The following CUBN variants were observed in gnomAD, a reference collection of about 807,000 sequenced individuals.
CUBN encodes cubilin.
In CUBN, 282 loss-of-function variants were observed where a neutral mutation model predicts 405.3. The ratio of observed to expected loss-of-function variants is 0.70; its 90% CI spans 0.63 to 0.77. The LOEUF (loss-of-function observed/expected upper bound fraction) is 0.77. Among genes scored for constraint, CUBN ranks in the 30% least tolerant of loss-of-function variants. The pLI, the probability that CUBN is intolerant of heterozygous loss-of-function variation, is 0.00. For synonymous variants in CUBN, 1,684 were observed against 1,617.0 expected (o/e 1.04, Z -0.99); for missense variants, 4,514 against 4,475.2 (o/e 1.01, Z -0.25).
intron 28 of CUBN, among the ~76,000 whole-genome samples, chr10:17,006,649 A>G (rs1834035996): frequency 6.6e-6 from 1 of 152,170 alleles, no homozygotes; most frequent in African/African-American, 2.4e-5. Context: ...GTTTTCTGCC[A>G]GTGCTCTAAA....
intron 17 of CUBN, among the ~76,000 whole-genome samples, chr10:17,082,459 T>A (rs899672931): frequency 6.6e-6 from 1 of 152,150 alleles, no homozygotes; most frequent in African/African-American, 2.4e-5. Flanking sequence ...TCACTGAAAT[T>A]CAGTTCTAGT....
rs192822265 is a variant in CUBN, at chr10:16,985,829, G to A, written c.4351-1550C>T. Reference sequence around the variant, plus strand: ...TCTATCACACATGACTTCAGACCACGTAGGCTCCTCCAAATCTCCCAAACT... The same window carrying A: ...TCTATCACACATGACTTCAGACCACATAGGCTCCTCCAAATCTCCCAAACT... On this transcript the variant is annotated intron_variant, in intron 29 of 66. Transcript: ENST00000377833. 1.6e-4 allele frequency among the ~76,000 whole-genome samples: 24 copies of A among 152,308 alleles called. No individual in the cohort carries two copies. In the East Asian group the frequency reaches 4.4e-3, roughly 28 times the overall value.
chr10:16,988,981 GCATT>G (rs1293408828), intron 29 of CUBN, among the ~76,000 whole-genome samples: 1 of 152,190 alleles, frequency 6.6e-6, no homozygotes, highest in Non-Finnish European at 1.5e-5. Context: ...CCCTAAATGT[GCATT>G]ATTATGGTGT....
At chr10:16,966,710 A>T (rs1050744806) in intron 31 of CUBN, among the ~76,000 whole-genome samples, 2 of 152,128 alleles carry the variant, frequency 1.3e-5, no homozygotes, top group African/African-American at 4.8e-5. Context: ...TGGCCTTTCA[A>T]AGTGCTGGGA....
In CUBN at chr10:16,906,069, A is replaced by C. The variant is rs138682430; in HGVS notation, c.7912+134T>G. On this transcript the variant is annotated intron_variant, in intron 50 of 66. Coordinates refer to ENST00000377833, the MANE Select transcript of CUBN (RefSeq NM_001081.4). ...GTTGAGGCTGCAGTGAGTTATGATC[A>C]CACCACTGCACTCCAGTCCGGGCAA... is the stretch of plus-strand genomic sequence containing the variant. 27,254 of 748,976 alleles carry C rather than the reference A, an allele frequency of 0.036. 611 individuals are homozygous for C. The highest frequency in any genetic ancestry group is 0.05 in the Non-Finnish European group (21,176 of 426,578). The allele number at this position is 748,976 out of a possible 1,614,324, so 46.4% of individuals were successfully genotyped here.
At position 16,888,348 on chromosome 10, in the gene CUBN, G is replaced by A. The variant is rs969381885; in HGVS notation, c.8905+69C>T. 2.4e-5 allele frequency: 30 copies of A among 1,251,996 alleles called. 1 individual carries two copies. In the African/African-American group the frequency reaches 4.2e-4, roughly 17 times the overall value. 77.6% of individuals were successfully genotyped at this position (1,251,996 alleles called of 1,614,324 possible). On this transcript the variant is annotated intron_variant, in intron 56 of 66. Transcript: ENST00000377833. ...ACAACATGTACATATGTCAAAACATGTTGTACACCATAAATATACAATTTT... is the reference window on the plus strand; with the variant it reads ...ACAACATGTACATATGTCAAAACATATTGTACACCATAAATATACAATTTT...
At chr10:16,831,519 T>C (rs1838993684) in intron 64 of CUBN, 102 bp from the exon 65 acceptor site, 1 of 1,111,862 alleles carries the variant, frequency 9.0e-7, no homozygotes, top group Non-Finnish European at 1.4e-6. Context: ...CGGAAAAGCT[T>C]TGTCTTTTTA....
intron 39 of CUBN, among the ~76,000 whole-genome samples, chr10:16,934,557 T>C (rs1487980036): frequency 6.6e-6 from 1 of 152,318 alleles, no homozygotes; most frequent in East Asian, 1.9e-4. Context: ...TGTGAAATAT[T>C]TCTTATCTTG....
Position 16,996,917 on chromosome 10 carries a change from G to A in CUBN, c.4169-6402C>T, listed in dbSNP as rs576332541. Reference sequence around the variant, plus strand: ...CCCTTCATTCCTAAAGGAAATGCCTGGGAAATCAACAGTTGCTGTTAAAAC... The same window carrying A: ...CCCTTCATTCCTAAAGGAAATGCCTAGGAAATCAACAGTTGCTGTTAAAAC... On this transcript the variant is annotated intron_variant, in intron 28 of 66. Coordinates refer to ENST00000377833, the MANE Select transcript of CUBN (RefSeq NM_001081.4). 2.0e-5 allele frequency among the ~76,000 whole-genome samples: 3 copies of A among 152,282 alleles called. No individual in the cohort carries two copies. In the South Asian group the frequency reaches 6.2e-4, roughly 32 times the overall value.
chr10:16,961,231 T>C (rs538032327), intron 31 of CUBN, among the ~76,000 whole-genome samples: 1 of 151,960 alleles, frequency 6.6e-6, no homozygotes, highest in East Asian at 1.9e-4. Context: ...ACCACCACAC[T>C]TGGCTAATTT....
intron 54 of CUBN, among the ~76,000 whole-genome samples, chr10:16,896,288 G>T (rs747883954): frequency 1.1e-4 from 16 of 151,822 alleles, no homozygotes; most frequent in Non-Finnish European, 1.6e-4. Context: ...CATGCTCCAC[G>T]GTTCTTTAAT....
At chr10:17,039,627 A>T (rs1834973295) in intron 27 of CUBN, among the ~76,000 whole-genome samples, 1 of 152,210 alleles carries the variant, frequency 6.6e-6, no homozygotes, top group African/African-American at 2.4e-5. Context: ...TTCTAGTAGT[A>T]TCTTAATGAT....
chr10:17,027,476 A>T lies in CUBN; in HGVS notation c.4018-7493T>A, dbSNP rs542622735. Among the ~76,000 whole-genome samples, 8 of 152,362 alleles carry T rather than the reference A, an allele frequency of 5.3e-5. No homozygotes were observed. In the South Asian group the frequency reaches 1.7e-3, roughly 32 times the overall value. On this transcript the variant is annotated intron_variant, in intron 27 of 66. Coordinates refer to ENST00000377833, the MANE Select transcript of CUBN (RefSeq NM_001081.4). ...GATGACAGGAAATCAATACCACCAA[A>T]TATTAGTAATAATGATATACTTTAG...
intron 7 of CUBN, 102 bp from the exon 8 acceptor site, chr10:17,114,291 C>A: frequency 1.7e-6 from 2 of 1,193,726 alleles, no homozygotes; most frequent in Middle Eastern, 1.9e-4. Flanking sequence ...CTCTAACGTT[C>A]ATTTCCATAA....
chr10:17,057,380 C>G (rs189640749), intron 22 of CUBN, among the ~76,000 whole-genome samples: 7 of 152,034 alleles, frequency 4.6e-5, no homozygotes, highest in African/African-American at 1.7e-4. Context: ...ACTGTCATGG[C>G]GCTGTTGGGC....
chr10:17,090,581 A>T (rs1486439116), intron 14 of CUBN, among the ~76,000 whole-genome samples: 1 of 152,138 alleles, frequency 6.6e-6, no homozygotes, highest in East Asian at 1.9e-4. Flanking sequence ...AACCATAGAG[A>T]GTAGAAATAT....
intron 39 of CUBN, among the ~76,000 whole-genome samples, chr10:16,936,374 T>C (rs1842504068): frequency 1.3e-5 from 2 of 152,200 alleles, no homozygotes; most frequent in African/African-American, 4.8e-5. Flanking sequence ...GACAGATCAA[T>C]ATTTTAAGTA....
At chr10:16,980,615 C>T (rs1179438935) in intron 31 of CUBN, among the ~76,000 whole-genome samples, 2 of 152,146 alleles carry the variant, frequency 1.3e-5, no homozygotes, top group Non-Finnish European at 1.5e-5. Context: ...ACCGCATATT[C>T]TCACTCGTAA....
chr10:17,109,802 G>A, intron 9 of CUBN, 67 bp from the exon 10 acceptor site: 5 of 1,253,052 alleles, frequency 4.0e-6, no homozygotes, highest in Non-Finnish European at 5.9e-6. Flanking sequence ...AGCCTGTCTA[G>A]GATTCAAATA....
Sources: allele counts gnomAD v4.1 joint callset (sites outside exome capture counted in the v4.1 genomes callset), GRCh38; gene constraint gnomAD v4.1.1; transcripts MANE v1.5; gene names NCBI Gene and HGNC (gene_info 2026-07-23, HGNC 2026-07-21).